Variants in XAF1 observed in about 807,000 individuals in gnomAD.
The protein encoded by XAF1 is XIAP-associated factor 1.
A neutral mutation model predicts 32.3 loss-of-function variants in XAF1; 32 were observed. The observed-to-expected ratio is 0.99, with a 90% CI of 0.75 to 1.33. XAF1 has a LOEUF of 1.33. Ranked by LOEUF, XAF1 falls within the 40% of genes most tolerant of loss-of-function variation. The pLI is 0.00. For synonymous variants in XAF1, 120 were observed against 125.9 expected, an observed-to-expected ratio of 0.95 and a Z score of 0.31; for missense variants, 379 against 366.0, an observed-to-expected ratio of 1.04 and a Z score of -0.29.
chr17:6,766,467 T>C (rs1041239002), intron 5 of XAF1, among the ~76,000 whole-genome samples: 1 of 152,210 alleles, frequency 6.6e-6, no homozygotes, highest in Non-Finnish European at 1.5e-5. Context: ...TAGATATTAC[T>C]TATTGACTCA....
chr17:6,761,028 C>T (rs1282391829), intron 4 of XAF1, among the ~76,000 whole-genome samples: 1 of 152,184 alleles, frequency 6.6e-6, no homozygotes, highest in Non-Finnish European at 1.5e-5. Context: ...GTGGCGGACG[C>T]CTGTAGTCCC....
intron 5 of XAF1, among the ~76,000 whole-genome samples, chr17:6,769,939 T>C (rs1276395365): frequency 6.6e-6 from 1 of 152,196 alleles, no homozygotes; most frequent in African/African-American, 2.4e-5. Flanking sequence ...ATACTTTTCC[T>C]CTTACCCACC....
At position 6,760,502 on chromosome 17, in the gene XAF1, C is replaced by A; in HGVS notation, c.322C>A (p.Arg108=). 2 of 1,613,482 alleles carry A rather than the reference C, an allele frequency of 1.2e-6. No individual in the cohort carries two copies. The highest frequency in any genetic ancestry group is 1.7e-6 in the Non-Finnish European group (2 of 1,179,866). ...GCTCCACGAGTCCTACTGTGGCAGC[C>A]GGACAGAGCTCTGCCAAGGCTGTGG... is the stretch of plus-strand genomic sequence containing the variant. ...LELHESYCGS[R]TELCQGCGQF... The change falls in exon 4 of 7, where the codon CGG becomes AGG. Residue 108 remains arginine, a synonymous_variant. Coordinates refer to ENST00000361842, the MANE Select transcript of XAF1 (RefSeq NM_017523.5).
intron 3 of XAF1, 45 bp from the exon 4 acceptor site, chr17:6,760,361 A>AC (rs1975088656): frequency 1.3e-6 from 2 of 1,494,790 alleles, no homozygotes; most frequent in African/African-American, 2.9e-5. Flanking sequence ...AAAAAAAAAA[A>AC]AAAAAAAGGG....
At chr17:6,760,357 A>AAAG in intron 3 of XAF1, 49 bp from the exon 4 acceptor site, 3 of 1,489,826 alleles carry the variant, frequency 2.0e-6, no homozygotes, top group Non-Finnish European at 2.7e-6. Context: ...CAAAAAAAAA[A>AAAG]AAAAAAAAAA....
Position 6,760,583 on chromosome 17 carries a change from C to A in XAF1, c.403C>A (p.Gln135Lys), listed in dbSNP as rs779728297. The A allele has an allele frequency of 6.2e-7, 1 of 1,610,184 alleles. No homozygotes were observed. The highest frequency in any genetic ancestry group is 8.5e-7 in the Non-Finnish European group (1 of 1,177,884). ...GCACAGAGATGTCTGTCGCAGTGAA[C>A]AGGCCCAGCTCGGGAAAGGTAAGCA... ...AQHRDVCRSE[Q>K]AQLGKGERIS... Residue 135 changes from glutamine (Q) to lysine (K), a missense_variant, in exon 4 of 7, where the codon CAG (glutamine) becomes AAG (lysine). By Grantham distance (53) the Gln-to-Lys change is moderately conservative. Transcript: ENST00000361842.
intron 6 of XAF1, among the ~76,000 whole-genome samples, chr17:6,772,087 C>T (rs1211566339): frequency 6.6e-6 from 1 of 152,128 alleles, no homozygotes; most frequent in African/African-American, 2.4e-5. Flanking sequence ...TCTATGTATG[C>T]ACATAAGCAT....
chr17:6,763,055 C>T (rs1232434360), intron 5 of XAF1, among the ~76,000 whole-genome samples: 1 of 152,168 alleles, frequency 6.6e-6, no homozygotes, highest in Non-Finnish European at 1.5e-5. Flanking sequence ...CAATGTTGTG[C>T]AATCTGGTTC....
intron 5 of XAF1, among the ~76,000 whole-genome samples, chr17:6,765,436 A>T (rs1179546893): frequency 6.6e-6 from 1 of 152,192 alleles, no homozygotes; most frequent in Non-Finnish European, 1.5e-5. Context: ...ATAAATAAAA[A>T]TTTAAAAATT....
chr17:6,756,738 G>T (rs1974706617), intron 1 of XAF1, among the ~76,000 whole-genome samples: 2 of 152,162 alleles, frequency 1.3e-5, no homozygotes, highest in African/African-American at 4.8e-5. Flanking sequence ...AGGGGGAGAA[G>T]GGGCCAGGTC....
At chr17:6,761,866 A>T in intron 4 of XAF1, 3 of 1,429,772 alleles carry the variant, frequency 2.1e-6, no homozygotes, top group Non-Finnish European at 2.8e-6. Flanking sequence ...CCGTGGCTAC[A>T]GCTCCATTCA....
chr17:6,761,633 G>A, intron 4 of XAF1: 1 of 325,798 alleles, frequency 3.1e-6, no homozygotes, highest in South Asian at 3.2e-5. Context: ...ATGGAAACCT[G>A]GAAATTGTGA....
chr17:6,760,929 C>A (rs1975156002), intron 4 of XAF1, among the ~76,000 whole-genome samples: 1 of 152,082 alleles, frequency 6.6e-6, no homozygotes, highest in Non-Finnish European at 1.5e-5. Context: ...CTGAGGCGGG[C>A]AGATCACCTG....
In XAF1 at chr17:6,770,998, G is replaced by C; in HGVS notation, c.849+14G>C. 1 of 1,613,286 alleles carries C rather than the reference G, an allele frequency of 6.2e-7. No individual in the cohort carries two copies. Among genetic ancestry groups the C allele is most frequent in the Non-Finnish European group, 8.5e-7 (1 of 1,179,556 alleles). On this transcript the variant is annotated intron_variant, in intron 6 of 6. Transcript: ENST00000361842. ...AATCAACATCAGGTACTCAGCCTCT[G>C]TTCTCTGCTTACCTTTCTGGGAACC...
At position 6,760,465 on chromosome 17, in the gene XAF1, C is replaced by T. The variant is rs754354159; in HGVS notation, c.285C>T (p.Leu95=). 5.6e-6 allele frequency: 9 copies of T among 1,612,870 alleles called. No homozygotes were observed. In the East Asian group the frequency reaches 2.0e-4, roughly 36 times the overall value. ...ECKFCKLDMQ[L]SKLELHESYC... ...AGTTCTGCAAACTGGACATGCAGCT[C>T]AGCAAGCTGGAGCTCCACGAGTCCT... is the stretch of plus-strand genomic sequence containing the variant. Residue 95 remains leucine, a synonymous_variant, in exon 4 of 7, where the codon CTC becomes CTT. Transcript: ENST00000361842.
At chr17:6,764,960 G>A (rs1223862928) in intron 5 of XAF1, among the ~76,000 whole-genome samples, 2 of 152,128 alleles carry the variant, frequency 1.3e-5, no homozygotes, top group African/African-American at 4.8e-5. Context: ...TCGGCTTCCA[G>A]GGTACCACAC....
At chr17:6,765,858 CT>C (rs1239813922) in intron 5 of XAF1, among the ~76,000 whole-genome samples, 1 of 152,232 alleles carries the variant, frequency 6.6e-6, no homozygotes, top group East Asian at 1.9e-4. Flanking sequence ...TTTGGCTCCT[CT>C]GTTCAGATCT....
chr17:6,770,602 T>A lies in XAF1; in HGVS notation c.508-41T>A, dbSNP rs758840043. ...TACTGTATTTTCTGACCATTAAAGCTGAAGTCATTTTAAAATTTGATATAT... is the reference window on the plus strand; with the variant it reads ...TACTGTATTTTCTGACCATTAAAGCAGAAGTCATTTTAAAATTTGATATAT... On this transcript the variant is annotated intron_variant, in intron 5 of 6. Transcript: ENST00000361842. 6.7e-6 allele frequency: 10 copies of A among 1,489,008 alleles called. No individual in the cohort carries two copies. The East Asian group carries it at 2.3e-4, about 34-fold the overall frequency. The allele number at this position is 1,489,008 out of a possible 1,614,324, so 92.2% of individuals were successfully genotyped here.
chr17:6,759,327 G>T, intron 2 of XAF1: 2 of 1,294,728 alleles, frequency 1.5e-6, no homozygotes, highest in Non-Finnish European at 2.0e-6. Flanking sequence ...GATCTGTAAA[G>T]AGAGGATGTG....
Sources: allele counts gnomAD v4.1 joint callset (sites outside exome capture counted in the v4.1 genomes callset), GRCh38; gene constraint gnomAD v4.1.1; transcripts MANE v1.5; gene names NCBI Gene and HGNC (gene_info 2026-07-23, HGNC 2026-07-21).